TRRAP: variants seen among roughly 807,000 people sequenced by gnomAD.
TRRAP encodes the protein transformation/transcription domain-associated protein.
Under a neutral mutation model 438.8 loss-of-function variants are expected in TRRAP, and 41 were observed. The ratio of observed to expected loss-of-function variants is 0.09; its 90% confidence interval spans 0.07 to 0.12. The LOEUF is 0.12. Among genes scored for constraint, TRRAP ranks in the 10% least tolerant of loss-of-function variants. The pLI is 1.00. For missense variants in TRRAP, 3,122 were observed against 5,055.1 expected, an observed-to-expected ratio of 0.62 and a Z score of 11.60; for synonymous variants, 1,994 against 1,962.9, an observed-to-expected ratio of 1.02 and a Z score of -0.42.
At chr7:98,933,062 A>G (rs1312936619) in intron 26 of TRRAP, among the ~76,000 whole-genome samples, 179 bp from the exon 27 acceptor site, 3 of 151,768 alleles carry the variant, frequency 2.0e-5, no homozygotes, top group Non-Finnish European at 2.9e-5. Context: ...ACCTTTAGGA[A>G]CTAACATCTT....
chr7:98,896,756 A>G (rs543218244), intron 7 of TRRAP, among the ~76,000 whole-genome samples: 17 of 152,270 alleles, frequency 1.1e-4, no homozygotes, highest in African/African-American at 4.1e-4. Context: ...TTTGGCATTT[A>G]AAGGATTTCA....
At chr7:98,978,973 G>T in intron 58 of TRRAP, 69 bp downstream of exon 58, 2 of 1,592,710 alleles carry the variant, frequency 1.3e-6, no homozygotes, top group Non-Finnish European at 1.7e-6. Flanking sequence ...GTGTCTCTTG[G>T]GAGATTTCCC....
At chr7:98,992,107 C>T (rs776771519) in intron 64 of TRRAP, 30 bp from the exon 65 acceptor site, 1 of 1,604,310 alleles carries the variant, frequency 6.2e-7, no homozygotes, top group Non-Finnish European at 8.5e-7. Flanking sequence ...CAGAGAGCAG[C>T]ACTGTTTATA....
Position 98,988,879 on chromosome 7 carries a change from G to C in TRRAP, c.9504G>C (p.Gln3168His). The change falls in exon 63 of 73, where the codon CAG (glutamine) becomes CAC (histidine). Residue 3168 changes from glutamine to histidine, a missense_variant. By Grantham distance (24) the Gln-to-His change is conservative. This residue lies in a region of TRRAP where 23 missense variants were observed against 18.2 expected (regional missense o/e 1.27). Coordinates refer to ENST00000456197, the MANE Select transcript of TRRAP (RefSeq NM_001375524.1). Reference sequence around the variant, plus strand: ...AGAACATCTTTGTGAAGGAGCGGCAGCTGCACCTGGGCGTGTCTGCCATCA... The same window carrying C: ...AGAACATCTTTGTGAAGGAGCGGCACCTGCACCTGGGCGTGTCTGCCATCA... ...YLENIFVKER[Q>H]LHLGVSAITC... is the part of the protein sequence containing the mutation. 1 of 1,614,206 alleles carries C rather than the reference G, an allele frequency of 6.2e-7. No individual in the cohort carries two copies. Among genetic ancestry groups the C allele is most frequent in the South Asian group, 1.1e-5 (1 of 91,088 alleles).
intron 67 of TRRAP, among the ~76,000 whole-genome samples, chr7:99,000,656 G>A (rs921115039): frequency 3.9e-5 from 6 of 152,368 alleles, no homozygotes; most frequent in Admixed American, 2.6e-4. Context: ...GGGGCAGGCC[G>A]CAGCCTAGCT....
At chr7:98,917,371 C>A in intron 19 of TRRAP, 52 bp from the exon 20 acceptor site, 1 of 1,587,174 alleles carries the variant, frequency 6.3e-7, no homozygotes, top group Non-Finnish European at 8.6e-7. Context: ...TTCACCTGGG[C>A]CCGAGTCTGG....
At chr7:98,966,951 T>C (rs1313410864) in intron 49 of TRRAP, 90 bp from the exon 50 acceptor site, 19 of 1,388,570 alleles carry the variant, frequency 1.4e-5, no homozygotes, top group Non-Finnish European at 1.7e-5. Context: ...CCTTGTCTTA[T>C]TGTGCTTGAT....
rs782105629 is a variant in TRRAP, at chr7:98,881,127, G to A, written c.-24G>A. 2 of 1,595,548 alleles carry A rather than the reference G, an allele frequency of 1.3e-6. No homozygotes were observed. The highest frequency in any genetic ancestry group is 1.7e-6 in the Non-Finnish European group (2 of 1,169,796). On this transcript the variant is annotated 5_prime_UTR_variant, in exon 2 of 73. Coordinates refer to ENST00000456197, the MANE Select transcript of TRRAP (RefSeq NM_001375524.1). Reference sequence around the variant, plus strand: ...CATGGACCTGATACTTTTCTCTTGAGAAGCAAACCAGCCCAAAAGAAAAAT... The same window carrying A: ...CATGGACCTGATACTTTTCTCTTGAAAAGCAAACCAGCCCAAAAGAAAAAT...
At chr7:98,879,851 A>G (rs1554402739) in intron 1 of TRRAP, among the ~76,000 whole-genome samples, 1 of 152,174 alleles carries the variant, frequency 6.6e-6, no homozygotes, top group East Asian at 1.9e-4. Context: ...TGTCAGCTGC[A>G]AAGCAGTGTA....
intron 8 of TRRAP, 108 bp downstream of exon 8, chr7:98,897,974 C>T (rs958694055): frequency 3.3e-5 from 50 of 1,532,288 alleles, no homozygotes; most frequent in African/African-American, 1.6e-4. Context: ...TTAAGACAAA[C>T]GTGTGTGCCT....
At position 98,903,486 on chromosome 7, in the gene TRRAP, C is replaced by T. The variant is rs372915256; in HGVS notation, c.1005C>T (p.Ala335=). ...TCAGAAAGGAGCTTCTGATTGCTGC[C>T]AAACACATCCTCACCACAGAGCTGA... is the stretch of plus-strand genomic sequence containing the variant. ...AHLRKELLIA[A]KHILTTELRN... is the part of the protein sequence containing the mutation. The change falls in exon 12 of 73, where the codon GCC becomes GCT. Residue 335 remains alanine, a synonymous_variant. Transcript: ENST00000456197. 5 of 1,614,044 alleles carry T rather than the reference C, an allele frequency of 3.1e-6. No individual in the cohort carries two copies. The highest frequency in any genetic ancestry group is 2.7e-5 in the African/African-American group (2 of 74,916).
Position 98,964,711 on chromosome 7 carries a change from G to A in TRRAP, c.6912G>A (p.Leu2304=), listed in dbSNP as rs898126500. ...DRLISVFMRS[L]QKMVREHLNP... ...TGATCTCCGTCTTTATGCGCTCCCTGCAGAAGATGGTCCGGGAGCATTTAA... is the reference window on the plus strand; with the variant it reads ...TGATCTCCGTCTTTATGCGCTCCCTACAGAAGATGGTCCGGGAGCATTTAA... Residue 2304 remains leucine, a synonymous_variant, in exon 48 of 73, where the codon CTG becomes CTA. Transcript: ENST00000456197. The A allele has an allele frequency of 6.2e-7, 1 of 1,614,024 alleles. No homozygotes were observed.
chr7:98,993,310 G>C (rs898602056), intron 65 of TRRAP, among the ~76,000 whole-genome samples: 1 of 152,256 alleles, frequency 6.6e-6, no homozygotes, highest in African/African-American at 2.4e-5. Flanking sequence ...TTAATGGAAT[G>C]GATTGAAGCC....
intron 50 of TRRAP, 103 bp downstream of exon 50, chr7:98,967,265 G>A: frequency 6.9e-7 from 1 of 1,453,264 alleles, no homozygotes; most frequent in Non-Finnish European, 9.3e-7. Context: ...TCATACCTAA[G>A]TTTAAAATAT....
chr7:98,932,092 A>G (rs570683005), intron 26 of TRRAP, among the ~76,000 whole-genome samples: 48 of 147,700 alleles, frequency 3.2e-4, no homozygotes, highest in Non-Finnish European at 5.4e-4. Context: ...TTTATTTTTT[A>G]TTTTTTTTTA....
At chr7:98,899,585 C>T (rs1177595023) in intron 9 of TRRAP, 86 bp downstream of exon 9, 17 of 1,602,164 alleles carry the variant, frequency 1.1e-5, no homozygotes, top group Non-Finnish European at 1.5e-5. Context: ...GTATAATACA[C>T]ACATGCTAAA....
rs1268535104 is a variant in TRRAP, at chr7:99,013,072, G to GA, written c.*723dup. On this transcript the variant is annotated 3_prime_UTR_variant, in exon 73 of 73. Coordinates refer to ENST00000456197, the MANE Select transcript of TRRAP (RefSeq NM_001375524.1). ...GACATTTACTATCACTGCACCTGAA[G>GA]AAAAAATCACTTTTACCTTCCTAAT... 5 of 152,134 alleles carry GA rather than the reference G, an allele frequency of 3.3e-5. No individual in the cohort carries two copies. The highest frequency in any genetic ancestry group is 1.2e-4 in the African/African-American group (5 of 41,432). The allele number at this position is 152,134 out of a possible 1,614,324, so 9.4% of individuals were successfully genotyped here.
chr7:98,910,218 G>GGCCCCCCCCC lies in TRRAP; in HGVS notation c.1513_1514insGCCCCCCCCC (p.Ala505GlyfsTer71). The GGCCCCCCCCC allele has an allele frequency of 7.3e-7, 1 of 1,377,614 alleles. No homozygotes were observed. The highest frequency in any genetic ancestry group is 9.4e-7 in the Non-Finnish European group (1 of 1,064,938). The allele number at this position is 1,377,614 out of a possible 1,614,324, so 85.3% of individuals were successfully genotyped here. ...TGCTCCCTCCCCAGCCCCTGTCCCT[G>GGCCCCCCCCC]CCCCACCTCCACCCCCGCCCCCACC... On this transcript the variant is annotated frameshift_variant, in exon 15 of 73. Coordinates refer to ENST00000456197, the MANE Select transcript of TRRAP (RefSeq NM_001375524.1). LOFTEE classifies it high-confidence loss of function.
chr7:98,899,188 CA>C (rs1170662735), intron 8 of TRRAP, among the ~76,000 whole-genome samples: 4 of 149,960 alleles, frequency 2.7e-5, no homozygotes, highest in African/African-American at 4.9e-5. Flanking sequence ...GACTCCATCT[CA>C]AAAAAAAAGA....
Sources: gnomAD v4.1 joint callset for allele counts (sites outside exome capture counted in the v4.1 genomes callset) on GRCh38, gnomAD v4.1.1 for gene constraint, gnomAD v4.1.1 regional missense constraint, MANE v1.5 for transcripts, NCBI Gene and HGNC (gene_info 2026-07-23, HGNC 2026-07-21) for gene names.